Variants in RGL1 observed in about 807,000 individuals in gnomAD.
The protein encoded by RGL1 is ral guanine nucleotide dissociation stimulator-like 1.
In RGL1, 24 loss-of-function variants were observed where a neutral mutation model predicts 95.2. The observed-to-expected ratio is 0.25, with a 90% CI of 0.18 to 0.35. The LOEUF (loss-of-function observed/expected upper bound fraction) is 0.35, where lower values mean the gene tolerates loss of function less well. RGL1 is among the 10% of genes least tolerant of loss of function. RGL1 has a pLI of 1.00. For synonymous variants in RGL1, 329 were observed against 344.9 expected (o/e 0.95, Z 0.51); for missense variants, 715 against 936.3 (o/e 0.76, Z 3.08).
intron 2 of RGL1, among the ~76,000 whole-genome samples, chr1:183,836,088 AG>A (rs1663629604): frequency 6.6e-6 from 1 of 152,184 alleles, no homozygotes; most frequent in Non-Finnish European, 1.5e-5. Context: ...CCTACACTAC[AG>A]GGTTGTTGTA....
intron 1 of RGL1, among the ~76,000 whole-genome samples, chr1:183,717,147 A>G (rs1419166743): frequency 6.6e-6 from 1 of 152,190 alleles, no homozygotes; most frequent in Non-Finnish European, 1.5e-5. Flanking sequence ...TAATTTTTAT[A>G]TGTACCTACT....
intron 1 of RGL1, among the ~76,000 whole-genome samples, chr1:183,708,013 C>T (rs1655024970): frequency 1.3e-5 from 2 of 152,128 alleles, no homozygotes; most frequent in African/African-American, 4.8e-5. Context: ...CTCCCCATTT[C>T]TCCAGTTGTC....
intron 7 of RGL1, among the ~76,000 whole-genome samples, chr1:183,887,330 T>C (rs1667178471): frequency 1.3e-5 from 2 of 151,820 alleles, no homozygotes; most frequent in Admixed American, 1.3e-4. Flanking sequence ...GAGGGTTTGT[T>C]TGGCATAGTT....
chr1:183,640,117 G>A (rs142800415), intron 1 of RGL1, among the ~76,000 whole-genome samples: 10,432 of 152,168 alleles, frequency 0.069, 621 homozygotes, highest in African/African-American at 0.16. Flanking sequence ...GATTACAGGT[G>A]TGAGCCACTG....
At chr1:183,809,552 T>G (rs1661562837) in intron 2 of RGL1, among the ~76,000 whole-genome samples, 1 of 152,208 alleles carries the variant, frequency 6.6e-6, no homozygotes, top group Non-Finnish European at 1.5e-5. Flanking sequence ...CAATAACATC[T>G]TTGGCTGGGA....
intron 1 of RGL1, among the ~76,000 whole-genome samples, chr1:183,707,836 G>A (rs1281447839): frequency 6.6e-6 from 1 of 151,922 alleles, no homozygotes; most frequent in Non-Finnish European, 1.5e-5. Context: ...GGGGCTGGGA[G>A]AGGTAGACAG....
At chr1:183,692,744 C>T (rs1654021929) in intron 1 of RGL1, among the ~76,000 whole-genome samples, 12 of 152,010 alleles carry the variant, frequency 7.9e-5, no homozygotes, top group Admixed American at 7.9e-4. Flanking sequence ...AAGAACAGAT[C>T]AGTGGTTGCA....
chr1:183,870,369 C>T (rs1194226160), intron 4 of RGL1, among the ~76,000 whole-genome samples: 5 of 108,502 alleles, frequency 4.6e-5, no homozygotes, highest in African/African-American at 1.8e-4. Context: ...AGTTGTCTTC[C>T]GGCCAGGGTA....
chr1:183,897,902 G>A lies in RGL1; in HGVS notation c.1230+5G>A, dbSNP rs1667792543. 1.2e-6 allele frequency: 2 copies of A among 1,612,856 alleles called. No individual in the cohort carries two copies. The highest frequency in any genetic ancestry group is 1.3e-5 in the African/African-American group (1 of 75,028). ...CTGCAGCTCCAGAAGGACATGGTAT[G>A]TCTGGCCCTCGTCTTCCCTGACAGC... On this transcript the variant is annotated splice_donor_5th_base_variant and intron_variant, in intron 10 of 17. Transcript: ENST00000360851.
chr1:183,771,413 A>G (rs969292021), intron 2 of RGL1, among the ~76,000 whole-genome samples: 4 of 152,026 alleles, frequency 2.6e-5, no homozygotes, highest in Non-Finnish European at 4.4e-5. Flanking sequence ...GTTTTAGCCT[A>G]TTGTTTCCCA....
chr1:183,922,195 TTACAAACCTG>T lies in RGL1; in HGVS notation c.2005-25_2005-16del. 1 of 1,593,708 alleles carries T rather than the reference TTACAAACCTG, an allele frequency of 6.3e-7. No individual in the cohort carries two copies. On this transcript the variant is annotated splice_polypyrimidine_tract_variant and intron_variant, in intron 16 of 17. Transcript: ENST00000360851. ...CTCAGGAAACGTGAAGCTAAGTACT[TTACAAACCTG>T]TTCATTGTCTTTGCAGTTGACGAGC...
intron 2 of RGL1, among the ~76,000 whole-genome samples, chr1:183,780,178 G>T (rs1659822630): frequency 6.6e-6 from 1 of 152,154 alleles, no homozygotes; most frequent in African/African-American, 2.4e-5. Flanking sequence ...GGAAATGTGG[G>T]TTCATAATGT....
intron 1 of RGL1, among the ~76,000 whole-genome samples, chr1:183,698,358 T>G (rs947194612): frequency 6.6e-6 from 1 of 152,236 alleles, no homozygotes; most frequent in Non-Finnish European, 1.5e-5. Flanking sequence ...ACTCAATTCC[T>G]TGGTCACCTT....
intron 2 of RGL1, among the ~76,000 whole-genome samples, chr1:183,837,496 A>G (rs540068410): frequency 2.6e-5 from 4 of 152,326 alleles, no homozygotes; most frequent in South Asian, 2.1e-4. Flanking sequence ...GTATGTGACA[A>G]TTTGTGATCT....
chr1:183,918,644 G>A lies in RGL1; in HGVS notation c.2004+1943G>A, dbSNP rs6683494. On this transcript the variant is annotated intron_variant, in intron 16 of 17. Transcript: ENST00000360851. ...GTTGTGCATGCTGTCTGAGTGTTGG[G>A]AGGGTAGTGAGCAGAAGATCCCCTG... Among the ~76,000 whole-genome samples the A allele has an allele frequency of 2.2e-3, 329 of 152,298 alleles. 1 individual carries two copies. Among genetic ancestry groups the A allele is most frequent in the African/African-American group, 7.5e-3 (312 of 41,538 alleles).
At chr1:183,730,422 C>T (rs1572340985) in intron 1 of RGL1, among the ~76,000 whole-genome samples, 1 of 152,264 alleles carries the variant, frequency 6.6e-6, no homozygotes, top group East Asian at 1.9e-4. Flanking sequence ...AACTCACTAC[C>T]TCCCCTCTCT....
intron 13 of RGL1, among the ~76,000 whole-genome samples, chr1:183,906,518 A>G (rs147363920): frequency 6.6e-6 from 1 of 152,222 alleles, no homozygotes; most frequent in Non-Finnish European, 1.5e-5. Context: ...GTAATTGCCT[A>G]TGTCTGTTCA....
At chr1:183,733,201 G>A (rs892473751) in intron 1 of RGL1, among the ~76,000 whole-genome samples, 2 of 152,082 alleles carry the variant, frequency 1.3e-5, no homozygotes, top group Non-Finnish European at 2.9e-5. Flanking sequence ...AATAGGGATT[G>A]TATCTTCTTG....
chr1:183,866,041 A>G lies in RGL1; in HGVS notation c.393A>G (p.Gln131=), dbSNP rs776725502. ...TSPNCEEDGS[Q]SSSESKMVIR... is the part of the protein sequence containing the mutation. ...CAAACTGTGAAGAAGATGGAAGCCA[A>G]AGTTCATCAGAGTCCAAAATGGTGA... Residue 131 remains glutamine (Q), a synonymous_variant, in exon 4 of 18, where the codon CAA becomes CAG. Coordinates refer to ENST00000360851, the MANE Select transcript of RGL1 (RefSeq NM_001297671.3). 29 of 1,613,884 alleles carry G rather than the reference A, an allele frequency of 1.8e-5. No individual in the cohort carries two copies. The highest frequency in any genetic ancestry group is 2.4e-5 in the Non-Finnish European group (28 of 1,179,922).
Sources: allele counts gnomAD v4.1 joint callset (sites outside exome capture counted in the v4.1 genomes callset), GRCh38; gene constraint gnomAD v4.1.1; transcripts MANE v1.5; gene names NCBI Gene and HGNC (gene_info 2026-07-23, HGNC 2026-07-21).